The following SLC24A3 variants were observed in gnomAD, a reference collection of about 807,000 sequenced individuals.
The protein encoded by SLC24A3 is sodium/potassium/calcium exchanger 3.
SLC24A3 carries 28 observed loss-of-function variants against 75.8 expected under a neutral mutation model. The observed-to-expected ratio is 0.37, with a 90% confidence interval of 0.27 to 0.51. The LOEUF (loss-of-function observed/expected upper bound fraction) is 0.51. SLC24A3 is among the 20% of genes least tolerant of loss of function. The pLI, the probability that SLC24A3 is intolerant of heterozygous loss-of-function variation, is 0.94. For missense variants in SLC24A3, 663 were observed against 847.8 expected (o/e 0.78, Z 2.71); for synonymous variants, 372 against 334.1 (o/e 1.11, Z -1.24).
chr20:19,370,283 C>T (rs745606085), intron 2 of SLC24A3, among the ~76,000 whole-genome samples: 10 of 152,120 alleles, frequency 6.6e-5, no homozygotes. Flanking sequence ...CATAGCATTT[C>T]GCATCATGTG....
At chr20:19,475,094 T>C (rs1987939940) in intron 2 of SLC24A3, among the ~76,000 whole-genome samples, 1 of 152,150 alleles carries the variant, frequency 6.6e-6, no homozygotes, top group African/African-American at 2.4e-5. Flanking sequence ...ATCCCAGCAC[T>C]TTCGGAGGCC....
intron 15 of SLC24A3, among the ~76,000 whole-genome samples, chr20:19,706,741 A>G (rs1276410871): frequency 6.6e-6 from 1 of 152,176 alleles, no homozygotes; most frequent in Non-Finnish European, 1.5e-5. Context: ...TGTGCCTTTT[A>G]GAAAGGACGT....
At chr20:19,314,780 G>A (rs1984545454) in intron 2 of SLC24A3, among the ~76,000 whole-genome samples, 1 of 152,230 alleles carries the variant, frequency 6.6e-6, no homozygotes, top group Middle Eastern at 3.2e-3. Context: ...AGGAATGTCA[G>A]CAAAGCTTGT....
intron 1 of SLC24A3, among the ~76,000 whole-genome samples, chr20:19,254,841 G>T (rs1050832547): frequency 6.6e-6 from 1 of 152,186 alleles, no homozygotes; most frequent in African/African-American, 2.4e-5. Context: ...CCTAGAGCCA[G>T]ATTGCCTGGG....
At chr20:19,295,713 T>C (rs749114074) in intron 2 of SLC24A3, among the ~76,000 whole-genome samples, 6 of 152,182 alleles carry the variant, frequency 3.9e-5, no homozygotes, top group Non-Finnish European at 5.9e-5. Context: ...GAATTGATCG[T>C]GGTGGATAAA....
At chr20:19,591,535 G>C (rs1367398541) in intron 6 of SLC24A3, among the ~76,000 whole-genome samples, 3 of 151,382 alleles carry the variant, frequency 2.0e-5, no homozygotes, top group Non-Finnish European at 2.9e-5. Flanking sequence ...AGCATTTTCA[G>C]GCCTCAGGTA....
At chr20:19,218,648 T>C (rs1314043207) in intron 1 of SLC24A3, among the ~76,000 whole-genome samples, 1 of 152,182 alleles carries the variant, frequency 6.6e-6, no homozygotes, top group Non-Finnish European at 1.5e-5. Flanking sequence ...CCCAGATTTT[T>C]CTCAAAGATT....
At chr20:19,408,488 C>G (rs1158550871) in intron 2 of SLC24A3, among the ~76,000 whole-genome samples, 1 of 151,590 alleles carries the variant, frequency 6.6e-6, no homozygotes, top group African/African-American at 2.4e-5. Flanking sequence ...CTCCCAGGTT[C>G]AAGCGATTCT....
At chr20:19,362,522 C>T (rs1175999361) in intron 2 of SLC24A3, among the ~76,000 whole-genome samples, 1 of 152,238 alleles carries the variant, frequency 6.6e-6, no homozygotes, top group Non-Finnish European at 1.5e-5. Context: ...GCCATAGGTA[C>T]TTAATGAGAT....
intron 2 of SLC24A3, among the ~76,000 whole-genome samples, chr20:19,312,935 T>C (rs1984493474): frequency 6.6e-6 from 1 of 151,964 alleles, no homozygotes; most frequent in African/African-American, 2.4e-5. Flanking sequence ...TATTGTAAAG[T>C]TCCCATTTAC....
intron 2 of SLC24A3, among the ~76,000 whole-genome samples, chr20:19,413,363 T>C (rs1420642814): frequency 6.6e-6 from 1 of 152,158 alleles, no homozygotes; most frequent in Non-Finnish European, 1.5e-5. Context: ...TACCAGACAT[T>C]GGGGTCCCTG....
intron 15 of SLC24A3, among the ~76,000 whole-genome samples, chr20:19,704,767 G>A (rs897260108): frequency 5.3e-5 from 8 of 152,118 alleles, no homozygotes; most frequent in East Asian, 1.9e-4. Context: ...CAAAGGCGTC[G>A]AGGCAGGATG....
At chr20:19,328,519 C>T (rs1186903074) in intron 2 of SLC24A3, among the ~76,000 whole-genome samples, 1 of 152,026 alleles carries the variant, frequency 6.6e-6, no homozygotes, top group East Asian at 1.9e-4. Flanking sequence ...TGCCTTCTTG[C>T]AGGATTGACT....
chr20:19,267,371 T>C (rs1036516451), intron 1 of SLC24A3, among the ~76,000 whole-genome samples: 3 of 152,200 alleles, frequency 2.0e-5, no homozygotes, highest in African/African-American at 7.2e-5. Flanking sequence ...TAAATCAAGA[T>C]ATTAAATTTT....
chr20:19,333,791 G>C (rs754674928), intron 2 of SLC24A3, among the ~76,000 whole-genome samples: 4 of 152,082 alleles, frequency 2.6e-5, no homozygotes, highest in African/African-American at 2.4e-5. Context: ...TGCATATTCT[G>C]TTGCCTAGCC....
chr20:19,540,864 C>G (rs2030483910), intron 3 of SLC24A3, among the ~76,000 whole-genome samples: 1 of 152,190 alleles, frequency 6.6e-6, no homozygotes, highest in African/African-American at 2.4e-5. Context: ...AGATCTATTG[C>G]AAATGTCAGT....
At chr20:19,444,173 A>G (rs1185916725) in intron 2 of SLC24A3, among the ~76,000 whole-genome samples, 3 of 152,240 alleles carry the variant, frequency 2.0e-5, no homozygotes, top group Non-Finnish European at 2.9e-5. Context: ...TTGCATAACT[A>G]GAACAAATAT....
At chr20:19,441,866 T>G (rs1208004302) in intron 2 of SLC24A3, among the ~76,000 whole-genome samples, 10 of 152,142 alleles carry the variant, frequency 6.6e-5, no homozygotes, top group Admixed American at 6.5e-4. Context: ...AACCACTGAT[T>G]TTTTTTCTGT....
rs1985345933 is a variant in SLC24A3 at position 19,344,585 on chromosome 20, C to A, written c.271+63498C>A. On this transcript the variant is annotated intron_variant, in intron 2 of 16. Coordinates refer to ENST00000328041, the MANE Select transcript of SLC24A3 (RefSeq NM_020689.4). ...ACTTCTGTGGACAATGGGGATTCAA[C>A]CCACTCAGTGGCTTGGGAGGCGGGG... is the stretch of plus-strand genomic sequence containing the variant. 2.6e-5 allele frequency among the ~76,000 whole-genome samples: 4 copies of A among 152,308 alleles called. No individual in the cohort carries two copies. In the South Asian group the frequency reaches 6.2e-4, roughly 24 times the overall value.
Sources: gnomAD v4.1 joint callset for allele counts (sites outside exome capture counted in the v4.1 genomes callset) on GRCh38, gnomAD v4.1.1 for gene constraint, MANE v1.5 for transcripts, NCBI Gene and HGNC (gene_info 2026-07-23, HGNC 2026-07-21) for gene names.